Variants in ARHGAP42 observed in about 807,000 individuals in gnomAD.
ARHGAP42 encodes the protein rho GTPase-activating protein 42.
Under a neutral mutation model 125.0 loss-of-function variants are expected in ARHGAP42, and 63 were observed. The ratio of observed to expected loss-of-function variants is 0.50; its 90% confidence interval spans 0.41 to 0.62. ARHGAP42 has a LOEUF of 0.62. Ranked by LOEUF, ARHGAP42 falls within the 20% of genes least tolerant of loss-of-function variation. The pLI, the probability that ARHGAP42 is intolerant of heterozygous loss-of-function variation, is 0.00. For synonymous variants in ARHGAP42, 339 were observed against 351.0 expected (o/e 0.97, Z 0.38); for missense variants, 766 against 1,024.2 (o/e 0.75, Z 3.44).
chr11:100,790,729 C>T (rs1420944031), intron 2 of ARHGAP42, among the ~76,000 whole-genome samples: 1 of 152,150 alleles, frequency 6.6e-6, no homozygotes, highest in African/African-American at 2.4e-5. Flanking sequence ...TTTCAGTCTA[C>T]TGTGTATTAA....
At chr11:100,855,674 A>T (rs1314426296) in intron 3 of ARHGAP42, among the ~76,000 whole-genome samples, 1 of 152,086 alleles carries the variant, frequency 6.6e-6, no homozygotes, top group Non-Finnish European at 1.5e-5. Flanking sequence ...GTGGCTATTT[A>T]TTAGAACCAC....
intron 2 of ARHGAP42, among the ~76,000 whole-genome samples, chr11:100,774,425 C>T (rs1036761031): frequency 6.6e-6 from 1 of 152,194 alleles, no homozygotes; most frequent in African/African-American, 2.4e-5. Context: ...GAGGTAGGGA[C>T]AGCTGTGACT....
At chr11:100,768,470 G>T (rs528476663) in intron 1 of ARHGAP42, among the ~76,000 whole-genome samples, 5 of 152,298 alleles carry the variant, frequency 3.3e-5, no homozygotes, top group African/African-American at 7.2e-5. Context: ...GGACAAGGTG[G>T]AGGCCTAGTC....
At position 100,836,813 on chromosome 11, in the gene ARHGAP42, G is replaced by T. The variant is rs372605727; in HGVS notation, c.313-22741G>T. ...AACAGTAAGCATATATAATGTCTGG[G>T]ACTTGAACACCTCATTATTATTTTC... On this transcript the variant is annotated intron_variant, in intron 3 of 23. Transcript: ENST00000298815. 3.9e-4 allele frequency among the ~76,000 whole-genome samples: 58 copies of T among 148,772 alleles called. 2 individuals are homozygous for T. The East Asian group carries it at 8.1e-3, about 21-fold the overall frequency.
chr11:100,796,377 A>G (rs1193058945), intron 3 of ARHGAP42, among the ~76,000 whole-genome samples: 3 of 152,256 alleles, frequency 2.0e-5, no homozygotes, highest in South Asian at 4.2e-4. Flanking sequence ...AGATCTCTCT[A>G]TTGCCTGAAA....
At chr11:100,875,537 G>T (rs915259333) in intron 4 of ARHGAP42, among the ~76,000 whole-genome samples, 1 of 152,166 alleles carries the variant, frequency 6.6e-6, no homozygotes, top group Non-Finnish European at 1.5e-5. Flanking sequence ...TGGGGGGAGG[G>T]TTTGCAGTGA....
At chr11:100,820,110 G>A (rs554663395) in intron 3 of ARHGAP42, among the ~76,000 whole-genome samples, 1 of 152,132 alleles carries the variant, frequency 6.6e-6, no homozygotes, top group Non-Finnish European at 1.5e-5. Flanking sequence ...TATTTCGGTG[G>A]TTCCCAGGCA....
At position 100,795,093 on chromosome 11, in the gene ARHGAP42, C is replaced by CTGGA. The variant is rs1431366616; in HGVS notation, c.251-11_251-10insGGAT. 6.5e-7 allele frequency: 1 copy of CTGGA among 1,527,898 alleles called. No individual in the cohort carries two copies. The highest frequency in any genetic ancestry group is 8.8e-7 in the Non-Finnish European group (1 of 1,137,394). 94.6% of individuals were successfully genotyped at this position (1,527,898 alleles called of 1,614,324 possible). A position where few individuals can be genotyped will look rare whatever the true frequency, so the allele number is the denominator to read the frequency against. ...ATATTAATTCTTTGCATTTTTTTAT[C>CTGGA]TTTCCAAACAGCTCAGTCACTAAAA... On this transcript the variant is annotated splice_polypyrimidine_tract_variant and intron_variant, in intron 2 of 23. Transcript: ENST00000298815.
chr11:100,762,970 A>ATTTT lies in ARHGAP42; in HGVS notation c.155-7350_155-7347dup, dbSNP rs553749625. Reference sequence around the variant, plus strand: ...ACGAGCTTTTCAGTAGTTTATAGTGATTTTTTTTTTTTTTTTTTTTTTTTT... The same window carrying ATTTT: ...ACGAGCTTTTCAGTAGTTTATAGTGATTTTTTTTTTTTTTTTTTTTTTTTTTTTT... On this transcript the variant is annotated intron_variant, in intron 1 of 23. Transcript: ENST00000298815. 2.6e-4 allele frequency among the ~76,000 whole-genome samples: 22 copies of ATTTT among 85,016 alleles called. 2 individuals are homozygous for ATTTT. The highest frequency in any genetic ancestry group is 3.3e-4 in the Non-Finnish European group (15 of 45,408). 55.8% of individuals were successfully genotyped at this position (85,016 alleles called of 152,430 possible).
intron 6 of ARHGAP42, among the ~76,000 whole-genome samples, chr11:100,929,068 C>A (rs1488634193): frequency 6.6e-6 from 1 of 152,108 alleles, no homozygotes; most frequent in Non-Finnish European, 1.5e-5. Flanking sequence ...CCAGCGGTCC[C>A]CAACCTTTTT....
chr11:100,957,263 T>TA (rs1181771063), intron 12 of ARHGAP42, among the ~76,000 whole-genome samples: 1 of 152,072 alleles, frequency 6.6e-6, no homozygotes, highest in African/African-American at 2.4e-5. Context: ...AATTTCTTCT[T>TA]ATGTTTTCCT....
At chr11:100,932,565 CTT>C (rs1396328434) in intron 6 of ARHGAP42, among the ~76,000 whole-genome samples, 2 of 152,144 alleles carry the variant, frequency 1.3e-5, no homozygotes, top group African/African-American at 4.8e-5. Context: ...AAAGATTTCA[CTT>C]TCTCTGAAAT....
chr11:100,976,769 T>C (rs2277275), intron 20 of ARHGAP42, 46 bp from the exon 21 acceptor site: 79,394 of 1,535,984 alleles, frequency 0.052, 3,017 homozygotes, highest in East Asian at 0.22. Flanking sequence ...ATTGCTATTA[T>C]GTTGTCTAAT....
At chr11:100,961,608 T>C in intron 14 of ARHGAP42, 76 bp from the exon 15 acceptor site, 1 of 1,280,088 alleles carries the variant, frequency 7.8e-7, no homozygotes, top group Non-Finnish European at 1.1e-6. Context: ...CTACTTACGT[T>C]TGTGCCCATT....
At chr11:100,918,141 T>A (rs201299344) in intron 5 of ARHGAP42, among the ~76,000 whole-genome samples, 2 of 7,838 alleles carry the variant, frequency 2.6e-4, no homozygotes, top group Non-Finnish European at 4.2e-4. Context: ...ACTCATTTTA[T>A]TTTTTTCTGC....
chr11:100,896,254 T>C (rs1385117898), intron 4 of ARHGAP42, among the ~76,000 whole-genome samples: 4 of 152,228 alleles, frequency 2.6e-5, no homozygotes, highest in African/African-American at 9.6e-5. Context: ...GATGGACATT[T>C]GGGTTGGTTC....
chr11:100,959,201 G>A (rs1029990023), intron 12 of ARHGAP42, among the ~76,000 whole-genome samples: 4 of 151,684 alleles, frequency 2.6e-5, no homozygotes, highest in Non-Finnish European at 4.4e-5. Context: ...ATTTGACCTC[G>A]CCCCAAAACC....
At chr11:100,882,119 C>G (rs1366784908) in intron 4 of ARHGAP42, among the ~76,000 whole-genome samples, 1 of 152,154 alleles carries the variant, frequency 6.6e-6, no homozygotes, top group Admixed American at 6.6e-5. Flanking sequence ...CTAGGACTTC[C>G]GGCACTATGT....
At chr11:100,801,482 T>C (rs1407024956) in intron 3 of ARHGAP42, among the ~76,000 whole-genome samples, 1 of 152,220 alleles carries the variant, frequency 6.6e-6, no homozygotes, top group Non-Finnish European at 1.5e-5. Flanking sequence ...TTTAGGAAGA[T>C]GAATATGTCA....
Sources: gnomAD v4.1 joint callset for allele counts (sites outside exome capture counted in the v4.1 genomes callset) on GRCh38, gnomAD v4.1.1 for gene constraint, MANE v1.5 for transcripts, NCBI Gene and HGNC (gene_info 2026-07-23, HGNC 2026-07-21) for gene names.